The following SLC30A7 variants were observed in gnomAD, a reference collection of about 807,000 sequenced individuals.
The protein encoded by SLC30A7 is zinc transporter 7.
Under a neutral mutation model 46.0 loss-of-function variants are expected in SLC30A7, and 35 were observed. That is an observed-to-expected ratio of 0.76 (90% CI 0.58 to 1.01). The LOEUF (loss-of-function observed/expected upper bound fraction) is 1.01, where lower values mean the gene tolerates loss of function less well. Ranked by LOEUF, SLC30A7 falls within the 50% of genes least tolerant of loss-of-function variation. The probability of loss-of-function intolerance (pLI) is 0.00; values close to 1 mark genes in which losing one functional copy is unlikely to be tolerated. For synonymous variants in SLC30A7, 147 were observed against 157.8 expected (o/e 0.93, Z 0.51); for missense variants, 464 against 451.1 (o/e 1.03, Z -0.26).
intron 3 of SLC30A7, among the ~76,000 whole-genome samples, chr1:100,908,039 A>G (rs1381863996): frequency 6.6e-6 from 1 of 150,556 alleles, no homozygotes; most frequent in African/African-American, 2.4e-5. Context: ...CTTTAGCTCT[A>G]TTTCTTTTTT....
intron 7 of SLC30A7, among the ~76,000 whole-genome samples, chr1:100,918,747 A>G (rs1652756627): frequency 6.6e-6 from 1 of 152,158 alleles, no homozygotes; most frequent in Admixed American, 6.5e-5. Context: ...TGAATATCTC[A>G]TGTAATTTAT....
At chr1:100,988,139 C>G in the SLC30A7 span, among the ~76,000 whole-genome samples, 2 of 152,186 alleles carry the variant, frequency 1.3e-5, no homozygotes, top group Non-Finnish European at 2.9e-5. Flanking sequence ...CATATGCAGA[C>G]AGGAAGCCTC....
chr1:100,899,035 T>A (rs1651140716), intron 2 of SLC30A7, among the ~76,000 whole-genome samples: 1 of 152,204 alleles, frequency 6.6e-6, no homozygotes, highest in Non-Finnish European at 1.5e-5. Context: ...GAGCCTTCAT[T>A]TTAAAGGAAG....
At chr1:100,913,641 G>A (rs1652278447) in intron 5 of SLC30A7, 22 bp from the exon 6 acceptor site, 1 of 1,579,190 alleles carries the variant, frequency 6.3e-7, no homozygotes, top group Non-Finnish European at 8.7e-7. Flanking sequence ...CATACCTTCT[G>A]TCCTAACACT....
intron 2 of SLC30A7, among the ~76,000 whole-genome samples, chr1:100,898,549 C>T (rs746775244): frequency 1.9e-4 from 29 of 152,220 alleles, no homozygotes; most frequent in Admixed American, 2.6e-4. Flanking sequence ...AGCACGTATC[C>T]GTCATCTCAT....
intron 8 of SLC30A7, among the ~76,000 whole-genome samples, chr1:100,960,838 A>G (rs1655495795): frequency 6.6e-6 from 1 of 152,096 alleles, no homozygotes; most frequent in Non-Finnish European, 1.5e-5. Context: ...GATTCAATAT[A>G]TCAGAAGTGA....
intron 10 of SLC30A7, 93 bp downstream of exon 10, chr1:100,966,011 G>T: frequency 8.8e-7 from 1 of 1,130,670 alleles, no homozygotes. Context: ...TGAGAGGATG[G>T]CTTGAGGCTA....
the SLC30A7 span, chr1:100,990,545 A>C: frequency 6.2e-7 from 1 of 1,614,150 alleles, no homozygotes; most frequent in East Asian, 2.2e-5. Context: ...TCCACAGTGC[A>C]CATTTGCCTT....
intron 8 of SLC30A7, among the ~76,000 whole-genome samples, chr1:100,951,906 G>A (rs1654975603): frequency 6.6e-6 from 1 of 152,188 alleles, no homozygotes; most frequent in Admixed American, 6.5e-5. Flanking sequence ...TGAGATGGGA[G>A]ATTATTCTGT....
chr1:100,983,701 T>C (rs1211037345), downstream of SLC30A7, among the ~76,000 whole-genome samples: 1 of 152,220 alleles, frequency 6.6e-6, no homozygotes, highest in East Asian at 1.9e-4. Context: ...AAAAATTATT[T>C]CCTGAATGTA....
At chr1:100,949,861 C>T (rs748728384) in intron 8 of SLC30A7, among the ~76,000 whole-genome samples, 11 of 152,230 alleles carry the variant, frequency 7.2e-5, no homozygotes, top group Non-Finnish European at 1.2e-4. Context: ...TTGCTCAGAC[C>T]ATGGGAAAAG....
At chr1:100,909,546 A>G (rs932820902) in intron 3 of SLC30A7, among the ~76,000 whole-genome samples, 7 of 152,154 alleles carry the variant, frequency 4.6e-5, no homozygotes, top group Admixed American at 1.3e-4. Context: ...CATGAATTAC[A>G]TGTTCTAATT....
intron 6 of SLC30A7, among the ~76,000 whole-genome samples, chr1:100,914,355 C>G (rs1014342170): frequency 6.6e-6 from 1 of 152,102 alleles, no homozygotes; most frequent in Non-Finnish European, 1.5e-5. Context: ...TCAAATGCCA[C>G]TATTTTAAAT....
intron 8 of SLC30A7, among the ~76,000 whole-genome samples, chr1:100,929,198 T>C (rs2101042621): frequency 6.6e-6 from 1 of 152,248 alleles, no homozygotes; most frequent in East Asian, 1.9e-4. Flanking sequence ...TCTCTCTGGG[T>C]AGTGTAATTT....
intron 7 of SLC30A7, among the ~76,000 whole-genome samples, chr1:100,920,211 A>G (rs1010620613): frequency 2.0e-5 from 3 of 151,868 alleles, no homozygotes; most frequent in Non-Finnish European, 2.9e-5. Flanking sequence ...TTCATTTTTT[A>G]TTCTACCAAA....
the SLC30A7 span, among the ~76,000 whole-genome samples, chr1:100,991,283 AAAG>A: frequency 6.6e-6 from 1 of 152,206 alleles, no homozygotes; most frequent in Non-Finnish European, 1.5e-5. Context: ...TGCTACAGCT[AAAG>A]AGCTGACCCT....
At chr1:100,964,265 T>G (rs370227372) in intron 9 of SLC30A7, among the ~76,000 whole-genome samples, 25 of 139,414 alleles carry the variant, frequency 1.8e-4, no homozygotes, top group African/African-American at 6.3e-4. Context: ...ACACAATATA[T>G]GTTATATAAC....
At chr1:100,934,567 AT>A (rs1209249547) in intron 8 of SLC30A7, among the ~76,000 whole-genome samples, 4 of 151,890 alleles carry the variant, frequency 2.6e-5, no homozygotes, top group Admixed American at 1.3e-4. Flanking sequence ...GAAATATAAT[AT>A]TTTCCTAAGA....
chr1:100,974,882 T>G lies in SLC30A7; in HGVS notation c.*25T>G. ...GTGAATGGAAAGAAATTATGCACCT[T>G]TTATGGACCAAATTTTTCTGGTACT... On this transcript the variant is annotated 3_prime_UTR_variant, in exon 11 of 11. Coordinates refer to ENST00000357650, the MANE Select transcript of SLC30A7 (RefSeq NM_133496.5). 1 of 1,593,010 alleles carries G rather than the reference T, an allele frequency of 6.3e-7. No homozygotes were observed.
Sources: gnomAD v4.1 joint callset for allele counts (sites outside exome capture counted in the v4.1 genomes callset) on GRCh38, gnomAD v4.1.1 for gene constraint, MANE v1.5 for transcripts, NCBI Gene and HGNC (gene_info 2026-07-23, HGNC 2026-07-21) for gene names.